NEXMIF: variants seen among roughly 807,000 people sequenced by gnomAD.
NEXMIF encodes the protein XLMR protein related to neurite extension.
A neutral mutation model predicts 62.1 loss-of-function variants in NEXMIF; 8 were observed. The ratio of observed to expected loss-of-function variants is 0.13; its 90% CI spans 0.08 to 0.23. The LOEUF (loss-of-function observed/expected upper bound fraction) is 0.23, where lower values mean the gene tolerates loss of function less well. NEXMIF is among the 10% of genes least tolerant of loss of function. NEXMIF has a pLI of 1.00. For synonymous variants in NEXMIF, 404 were observed against 416.6 expected (o/e 0.97, Z 0.37); for missense variants, 976 against 1,113.3 (o/e 0.88, Z 1.75).
intron 1 of NEXMIF, among the ~76,000 whole-genome samples, chrX:74,804,512 C>A (rs1233362722): frequency 8.9e-6 from 1 of 111,826 alleles, no homozygotes; most frequent in Non-Finnish European, 1.9e-5. Flanking sequence ...GTGTCCTTCC[C>A]TTGAAGGCAG....
chrX:74,773,594 A>C (rs1380260338), intron 1 of NEXMIF, among the ~76,000 whole-genome samples: 1 of 111,093 alleles, frequency 9.0e-6, no homozygotes, highest in Admixed American at 9.7e-5. Context: ...TGAACTCTTT[A>C]CATATAAAAC....
intron 1 of NEXMIF, among the ~76,000 whole-genome samples, chrX:74,879,513 G>C (rs1228104040): frequency 8.9e-6 from 1 of 111,919 alleles, no homozygotes. Context: ...TAATACATTT[G>C]GACAATTTGT....
chrX:74,902,402 T>G (rs938378243), intron 1 of NEXMIF, among the ~76,000 whole-genome samples: 5 of 110,057 alleles, frequency 4.5e-5, no homozygotes, highest in African/African-American at 1.7e-4. Flanking sequence ...TGTATGCATA[T>G]GTATAGGAAC....
intron 1 of NEXMIF, among the ~76,000 whole-genome samples, chrX:74,790,999 A>C (rs1348402632): frequency 9.0e-6 from 1 of 110,692 alleles, no homozygotes; most frequent in Non-Finnish European, 1.9e-5. Flanking sequence ...CCTGGCCAGA[A>C]CTTCCAACAC....
intron 1 of NEXMIF, among the ~76,000 whole-genome samples, chrX:74,811,680 T>C (rs2080360950): frequency 8.9e-6 from 1 of 112,768 alleles, no homozygotes. Context: ...AAGCTGGATT[T>C]ACCTAGCCAT....
intron 1 of NEXMIF, among the ~76,000 whole-genome samples, chrX:74,755,180 A>G (rs1300843069): frequency 2.7e-5 from 3 of 112,672 alleles, no homozygotes; most frequent in Non-Finnish European, 5.6e-5. Context: ...TCTCTTGGCT[A>G]TGTGGAAACA....
intron 1 of NEXMIF, among the ~76,000 whole-genome samples, chrX:74,907,276 G>A (rs888367244): frequency 1.8e-5 from 2 of 110,537 alleles, no homozygotes; most frequent in Non-Finnish European, 3.8e-5. Context: ...GGTCAGGTGA[G>A]GGGAGAGTGT....
intron 1 of NEXMIF, among the ~76,000 whole-genome samples, chrX:74,782,116 T>G (rs1200692885): frequency 9.0e-6 from 1 of 111,019 alleles, no homozygotes; most frequent in Admixed American, 9.6e-5. Context: ...ACCCAGAGAT[T>G]TAAAAGGATG....
intron 1 of NEXMIF, among the ~76,000 whole-genome samples, chrX:74,762,653 A>G (rs1292767759): frequency 2.7e-5 from 3 of 111,691 alleles, no homozygotes; most frequent in Admixed American, 9.5e-5. Flanking sequence ...AATGATTGCC[A>G]TTCTAACTGG....
rs2080094570 is a variant in NEXMIF, at chrX:74,739,417, C to T, written c.4539G>A (p.Gln1513=). 8.4e-7 allele frequency: 1 copy of T among 1,192,528 alleles called. No homozygotes were observed. The highest frequency in any genetic ancestry group is 1.8e-5 in the African/African-American group (1 of 56,085). ...PVFEEETRIF[Q]KDI ...TAAAACACAAACATCAAATGTCTTT[C>T]TGGAAAATGCGAGTCTCTTCTTCAA... Residue 1513 remains glutamine, a synonymous_variant, in exon 4 of 4, where the codon CAG becomes CAA. Coordinates refer to ENST00000055682, the MANE Select transcript of NEXMIF (RefSeq NM_001008537.3).
At chrX:74,781,200 G>T in intron 1 of NEXMIF, among the ~76,000 whole-genome samples, 1 of 112,068 alleles carries the variant, frequency 8.9e-6, no homozygotes, top group Middle Eastern at 4.6e-3. Context: ...AGTAGACTTT[G>T]ATAAAGTTTC....
intron 1 of NEXMIF, among the ~76,000 whole-genome samples, chrX:74,813,005 C>T (rs1288368469): frequency 8.9e-6 from 1 of 111,981 alleles, no homozygotes; most frequent in East Asian, 2.8e-4. Flanking sequence ...GAATACTGGC[C>T]TAGCTGTTTA....
intron 1 of NEXMIF, among the ~76,000 whole-genome samples, chrX:74,746,782 T>A (rs2080127253): frequency 8.9e-6 from 1 of 112,849 alleles, no homozygotes; most frequent in Admixed American, 9.4e-5. Context: ...CTCTCAGTTT[T>A]AAAAATGTTA....
Position 74,741,110 on chromosome X carries a change from C to G in NEXMIF, c.3447G>C (p.Leu1149=), listed in dbSNP as rs1182133752. Residue 1149 remains leucine, a synonymous_variant, in exon 3 of 4, where the codon CTG becomes CTC. Coordinates refer to ENST00000055682, the MANE Select transcript of NEXMIF (RefSeq NM_001008537.3). ...HMFNDEDSVS[L]LQKNPCLSTF... is the part of the protein sequence containing the mutation. Reference sequence around the variant, plus strand: ...TTGACAGGCAAGGGTTTTTTTGGAGCAGGCTGACAGAATCCTCATCATTGA... The same window carrying G: ...TTGACAGGCAAGGGTTTTTTTGGAGGAGGCTGACAGAATCCTCATCATTGA... 3 of 1,208,983 alleles carry G rather than the reference C, an allele frequency of 2.5e-6. No individual in the cohort carries two copies. The Admixed American group carries it at 6.6e-5, about 26-fold the overall frequency.
chrX:74,907,735 G>A (rs866834941), intron 1 of NEXMIF, among the ~76,000 whole-genome samples: 1 of 111,541 alleles, frequency 9.0e-6, no homozygotes, highest in Non-Finnish European at 1.9e-5. Context: ...GGATGATCAG[G>A]TATTATTATT....
At chrX:74,840,687 A>G (rs1396177145) in intron 1 of NEXMIF, among the ~76,000 whole-genome samples, 4 of 111,737 alleles carry the variant, frequency 3.6e-5, no homozygotes, top group Non-Finnish European at 7.5e-5. Context: ...TCCAGTTTCA[A>G]TCTTCTGTAT....
At chrX:74,861,437 A>G (rs1412748241) in intron 1 of NEXMIF, among the ~76,000 whole-genome samples, 1 of 112,059 alleles carries the variant, frequency 8.9e-6, no homozygotes, top group East Asian at 2.8e-4. Flanking sequence ...AATATCATCC[A>G]GGAGAACTTC....
chrX:74,749,799 C>A lies in NEXMIF; in HGVS notation c.-47-4102G>T, dbSNP rs2080136574. On this transcript the variant is annotated intron_variant, in intron 1 of 3. Transcript: ENST00000055682. ...AAGCTTTACTACTTTATATCTGATA[C>A]CCCCAAAAGACTAAGCACCAACACC... Among the ~76,000 whole-genome samples, 3 of 111,461 alleles carry A rather than the reference C, an allele frequency of 2.7e-5. No homozygotes were observed. In the South Asian group the frequency reaches 1.1e-3, roughly 42 times the overall value.
chrX:74,885,054 C>A (rs749171856), intron 1 of NEXMIF, among the ~76,000 whole-genome samples: 2 of 109,990 alleles, frequency 1.8e-5, no homozygotes, highest in South Asian at 4.0e-4. Flanking sequence ...CTACTGGGTA[C>A]ATAATGAAAT....
Sources: allele counts gnomAD v4.1 joint callset (sites outside exome capture counted in the v4.1 genomes callset), GRCh38; gene constraint gnomAD v4.1.1; transcripts MANE v1.5; gene names NCBI Gene and HGNC (gene_info 2026-07-23, HGNC 2026-07-21).